SHISA9: variants seen among roughly 807,000 people sequenced by gnomAD.
The protein encoded by SHISA9 is protein shisa-9.
Under a neutral mutation model 38.0 loss-of-function variants are expected in SHISA9, and 13 were observed. The observed-to-expected ratio is 0.34, with a 90% CI of 0.22 to 0.54. The LOEUF is 0.54. Among genes scored for constraint, SHISA9 ranks in the 20% least tolerant of loss-of-function variants. The pLI, the probability that SHISA9 is intolerant of heterozygous loss-of-function variation, is 0.91. For missense variants in SHISA9, 538 were observed against 575.8 expected (o/e 0.93, Z 0.67); for synonymous variants, 275 against 242.0 (o/e 1.14, Z -1.27).
intron 2 of SHISA9, among the ~76,000 whole-genome samples, chr16:13,149,570 A>G (rs566042276): frequency 1.3e-5 from 2 of 152,104 alleles, no homozygotes; most frequent in Non-Finnish European, 2.9e-5. Context: ...AGCGGATTAC[A>G]TTGCATCTCT....
intron 2 of SHISA9, among the ~76,000 whole-genome samples, chr16:12,987,929 A>G (rs1351284411): frequency 2.0e-5 from 3 of 152,190 alleles, no homozygotes; most frequent in Non-Finnish European, 4.4e-5. Context: ...GCTAGTATGT[A>G]AAGAAGCCAT....
intron 2 of SHISA9, among the ~76,000 whole-genome samples, chr16:13,065,660 G>A (rs1376962493): frequency 6.6e-6 from 1 of 152,226 alleles, no homozygotes; most frequent in Non-Finnish European, 1.5e-5. Flanking sequence ...GGCTTGCCAC[G>A]TTTCCCACGT....
At chr16:13,525,155 T>G in the SHISA9 span, among the ~76,000 whole-genome samples, 1 of 152,178 alleles carries the variant, frequency 6.6e-6, no homozygotes, top group Non-Finnish European at 1.5e-5. Context: ...GAATTTGCAT[T>G]TCTAGTAAGT....
At chr16:13,095,778 T>C (rs981642960) in intron 2 of SHISA9, among the ~76,000 whole-genome samples, 1 of 152,180 alleles carries the variant, frequency 6.6e-6, no homozygotes, top group African/African-American at 2.4e-5. Context: ...CGATAAATAG[T>C]GAATGGGTTT....
chr16:13,412,577 C>T, the SHISA9 span, among the ~76,000 whole-genome samples: 29 of 152,058 alleles, frequency 1.9e-4, 1 homozygote, highest in African/African-American at 6.8e-4. Context: ...AAAAAGGAGG[C>T]CGGGCATGAT....
At chr16:13,559,971 CTG>C in the SHISA9 span, among the ~76,000 whole-genome samples, 7 of 152,268 alleles carry the variant, frequency 4.6e-5, no homozygotes, top group East Asian at 1.4e-3. Flanking sequence ...AAGAGGAACT[CTG>C]TTTATCAGTC....
chr16:13,387,930 G>GA, the SHISA9 span, among the ~76,000 whole-genome samples: 1,919 of 147,154 alleles, frequency 0.013, 20 homozygotes, highest in Non-Finnish European at 0.022. Context: ...TCCCCTCCTA[G>GA]AAAAAAAAAA....
chr16:13,307,327 G>T, the SHISA9 span, among the ~76,000 whole-genome samples: 2 of 152,134 alleles, frequency 1.3e-5, no homozygotes, highest in African/African-American at 4.8e-5. Flanking sequence ...GGCCTTTCAT[G>T]TACTTCCCCT....
intron 2 of SHISA9, among the ~76,000 whole-genome samples, chr16:13,103,084 C>G (rs1278414058): frequency 6.6e-6 from 1 of 152,188 alleles, no homozygotes; most frequent in Non-Finnish European, 1.5e-5. Context: ...GTAGTTGATT[C>G]ATTTATAACT....
intron 2 of SHISA9, among the ~76,000 whole-genome samples, chr16:12,923,840 C>CAA (rs781406385): frequency 7.0e-6 from 1 of 141,890 alleles, no homozygotes; most frequent in African/African-American, 2.5e-5. Context: ...GACTCCATCT[C>CAA]CAAAAAAAAA....
At chr16:13,506,621 G>A in the SHISA9 span, among the ~76,000 whole-genome samples, 1 of 152,168 alleles carries the variant, frequency 6.6e-6, no homozygotes, top group Non-Finnish European at 1.5e-5. Flanking sequence ...TGCCTGGCAT[G>A]TTTAAGCAAA....
downstream of SHISA9, among the ~76,000 whole-genome samples, chr16:13,240,996 T>C (rs754414054): frequency 2.0e-5 from 3 of 152,128 alleles, no homozygotes; most frequent in African/African-American, 4.8e-5. Context: ...GAGTATGATA[T>C]CATGTCAGCT....
At position 12,957,121 on chromosome 16, in the gene SHISA9, T is replaced by C. The variant is rs117461899; in HGVS notation, c.691+40306T>C. On this transcript the variant is annotated intron_variant, in intron 2 of 4. Coordinates refer to ENST00000558583, the MANE Select transcript of SHISA9 (RefSeq NM_001145204.3). ...CCCTCTCCCTTACAAAATGAAATCATATTGTATTAATAAATGCTGCTTTGT... is the reference window on the plus strand; with the variant it reads ...CCCTCTCCCTTACAAAATGAAATCACATTGTATTAATAAATGCTGCTTTGT... 5.8e-3 allele frequency among the ~76,000 whole-genome samples: 881 copies of C among 152,276 alleles called. 7 individuals carry two copies. The highest frequency in any genetic ancestry group is 0.034 in the Middle Eastern group (10 of 294).
chr16:13,499,963 A>C, the SHISA9 span, among the ~76,000 whole-genome samples: 1 of 152,120 alleles, frequency 6.6e-6, no homozygotes, highest in Non-Finnish European at 1.5e-5. Context: ...CCTCACCCCA[A>C]AGGAGTGCTG....
At chr16:13,013,636 T>A (rs774859708) in intron 2 of SHISA9, among the ~76,000 whole-genome samples, 1 of 152,196 alleles carries the variant, frequency 6.6e-6, no homozygotes, top group Non-Finnish European at 1.5e-5. Flanking sequence ...TTTTCACCCA[T>A]GAGGCATCAC....
intron 2 of SHISA9, among the ~76,000 whole-genome samples, chr16:12,918,189 G>GC (rs1031449890): frequency 6.6e-6 from 1 of 152,218 alleles, no homozygotes; most frequent in East Asian, 1.9e-4. Flanking sequence ...AAATCCCATA[G>GC]CCCCCCGAAG....
At chr16:13,383,256 G>GGGAAT in the SHISA9 span, among the ~76,000 whole-genome samples, 2 of 152,188 alleles carry the variant, frequency 1.3e-5, no homozygotes, top group Non-Finnish European at 2.9e-5. Flanking sequence ...TGGAGGACGT[G>GGGAAT]GGAATGGAGA....
At chr16:13,118,224 T>C (rs2074050424) in intron 2 of SHISA9, among the ~76,000 whole-genome samples, 2 of 146,972 alleles carry the variant, frequency 1.4e-5, no homozygotes, top group South Asian at 4.3e-4. Context: ...AGCTGGGAGA[T>C]GACACATTCA....
chr16:13,307,222 C>T, the SHISA9 span, among the ~76,000 whole-genome samples: 3 of 152,144 alleles, frequency 2.0e-5, no homozygotes, highest in Non-Finnish European at 2.9e-5. Context: ...ATTAAATCAC[C>T]TAGTATGTGC....
Sources: allele counts gnomAD v4.1 joint callset (sites outside exome capture counted in the v4.1 genomes callset), GRCh38; gene constraint gnomAD v4.1.1; transcripts MANE v1.5; gene names NCBI Gene and HGNC (gene_info 2026-07-23, HGNC 2026-07-21).